The following UGGT2 variants were observed in gnomAD, a reference collection of about 807,000 sequenced individuals.
UGGT2 encodes the protein UDP-glucose glycoprotein glucosyltransferase 2.
Under a neutral mutation model 192.1 loss-of-function variants are expected in UGGT2, and 180 were observed. The observed-to-expected ratio is 0.94, with a 90% CI of 0.83 to 1.06. The LOEUF (loss-of-function observed/expected upper bound fraction) is 1.06. Among genes scored for constraint, UGGT2 ranks in the 50% least tolerant of loss-of-function variants. The probability of loss-of-function intolerance (pLI) is 0.00; values close to 1 mark genes in which losing one functional copy is unlikely to be tolerated. For synonymous variants in UGGT2, 580 were observed against 591.0 expected, an observed-to-expected ratio of 0.98 and a Z score of 0.27; for missense variants, 1,849 against 1,795.7, an observed-to-expected ratio of 1.03 and a Z score of -0.54.
intron 1 of UGGT2, among the ~76,000 whole-genome samples, chr13:96,041,678 G>C (rs1303284458): frequency 6.6e-6 from 1 of 152,184 alleles, no homozygotes; most frequent in Non-Finnish European, 1.5e-5. Context: ...AGTGCTGTTG[G>C]GTGGGGCACA....
At chr13:95,962,821 G>A (rs557456528) in intron 12 of UGGT2, among the ~76,000 whole-genome samples, 1 of 152,176 alleles carries the variant, frequency 6.6e-6, no homozygotes, top group Admixed American at 6.5e-5. Flanking sequence ...CCGAGACCGG[G>A]TAATTTAAAC....
chr13:95,949,535 T>G (rs1014249376), intron 12 of UGGT2, 81 bp from the exon 13 acceptor site: 2 of 1,256,498 alleles, frequency 1.6e-6, no homozygotes, highest in African/African-American at 3.1e-5. Context: ...TATATCGTGA[T>G]AAATAAAAAT....
chr13:95,905,894 C>T (rs953846541), intron 20 of UGGT2, among the ~76,000 whole-genome samples: 8 of 151,974 alleles, frequency 5.3e-5, no homozygotes, highest in East Asian at 1.9e-4. Flanking sequence ...TTGTGTATGA[C>T]GTGAAAAGGG....
chr13:96,045,496 CAAGAGA>C lies in UGGT2; in HGVS notation c.158+7653_158+7658del, dbSNP rs1358782844. On this transcript the variant is annotated intron_variant, in intron 1 of 38. Transcript: ENST00000376747. ...GGAAGTCCTAGTCAGAACAATCAGA[CAAGAGA>C]AAGAAATAAAGGGCATCCAAATCAG... Among the ~76,000 whole-genome samples the C allele has an allele frequency of 2.0e-5, 3 of 152,080 alleles. No individual in the cohort carries two copies. The East Asian group carries it at 5.8e-4, about 29-fold the overall frequency.
chr13:95,900,775 G>GAGAA, intron 22 of UGGT2, 32 bp downstream of exon 22: 1 of 1,591,908 alleles, frequency 6.3e-7, no homozygotes, highest in Non-Finnish European at 8.5e-7. Context: ...CAGTGTCACT[G>GAGAA]AGAAAAGAGA....
intron 31 of UGGT2, among the ~76,000 whole-genome samples, chr13:95,862,017 T>C (rs1399121087): frequency 6.6e-6 from 1 of 152,174 alleles, no homozygotes; most frequent in Non-Finnish European, 1.5e-5. Flanking sequence ...TTCTTATCTA[T>C]ACCTTCTAAC....
chr13:96,049,376 T>C (rs2053418219), intron 1 of UGGT2, among the ~76,000 whole-genome samples: 1 of 152,212 alleles, frequency 6.6e-6, no homozygotes, highest in African/African-American at 2.4e-5. Context: ...AATATCATAC[T>C]GAATGGGCAA....
intron 29 of UGGT2, among the ~76,000 whole-genome samples, chr13:95,868,105 T>A (rs997071242): frequency 6.6e-6 from 1 of 152,314 alleles, no homozygotes. Context: ...GGGGAAGCAA[T>A]CAGATGTCAA....
chr13:95,927,466 CTTTCTT>C (rs762680500), intron 17 of UGGT2, 130 bp from the exon 18 acceptor site: 37,316 of 583,532 alleles, frequency 0.064, 211 homozygotes, highest in Middle Eastern at 0.08. Flanking sequence ...AATACATTTT[CTTTCTT>C]TTTTTTTTTT....
rs182082259 is a variant in UGGT2 at position 95,894,733 on chromosome 13, G to A, written c.2760-76C>T. On this transcript the variant is annotated intron_variant, in intron 23 of 38. Transcript: ENST00000376747. ...TTTCATGTTACAATTAATGCTTCAA[G>A]AAAGGTTTTATATATCTGAACATGG... 16 of 1,256,206 alleles carry A rather than the reference G, an allele frequency of 1.3e-5. No individual in the cohort carries two copies. In the Admixed American group the frequency reaches 2.2e-4, roughly 17 times the overall value. 77.8% of individuals were successfully genotyped at this position (1,256,206 alleles called of 1,614,324 possible). A position where few individuals can be genotyped will look rare whatever the true frequency, so the allele number is the denominator to read the frequency against.
chr13:95,878,055 T>C (rs958988105), intron 27 of UGGT2, among the ~76,000 whole-genome samples, 199 bp from the exon 28 acceptor site: 2 of 152,150 alleles, frequency 1.3e-5, no homozygotes, highest in East Asian at 3.9e-4. Context: ...CTTTTTCTTT[T>C]TCATGACATC....
intron 20 of UGGT2, among the ~76,000 whole-genome samples, chr13:95,906,580 A>G (rs1244124001): frequency 2.0e-5 from 3 of 152,210 alleles, no homozygotes; most frequent in South Asian, 4.1e-4. Context: ...AAAATTCCCA[A>G]TTTTGATTAA....
chr13:95,940,922 T>C (rs1039839449), intron 15 of UGGT2, among the ~76,000 whole-genome samples: 1 of 152,158 alleles, frequency 6.6e-6, no homozygotes, highest in Non-Finnish European at 1.5e-5. Context: ...CTAAACTTTC[T>C]CTGCACCTCT....
Position 96,023,141 on chromosome 13 carries a change from A to C in UGGT2, c.384T>G (p.Asp128Glu). ...AIQMFQQIAA[D>E]EPPPDGCNAF... is the part of the protein sequence containing the mutation. ...CATTACAACCATCTGGTGGTGGCTC[A>C]TCAGCTGCAATCTAAGATTTCAAAG... The change falls in exon 4 of 39, where the codon GAT becomes GAG. Residue 128 changes from aspartate (D) to glutamate (E), a missense_variant. Asp to Glu is a conservative substitution (Grantham distance 45, BLOSUM62 2). Transcript: ENST00000376747. 1 of 1,576,524 alleles carries C rather than the reference A, an allele frequency of 6.3e-7. No homozygotes were observed. The highest frequency in any genetic ancestry group is 8.6e-7 in the Non-Finnish European group (1 of 1,160,176).
chr13:95,876,691 T>C (rs911129815), intron 29 of UGGT2, among the ~76,000 whole-genome samples: 2 of 152,172 alleles, frequency 1.3e-5, no homozygotes, highest in African/African-American at 4.8e-5. Context: ...CACTCTTCAA[T>C]GTGTCTTTCT....
In UGGT2 at chr13:95,890,867, A is replaced by G. The variant is rs2047780530; in HGVS notation, c.2953T>C (p.Leu985=). The G allele has an allele frequency of 6.2e-7, 1 of 1,609,978 alleles. No individual in the cohort carries two copies. The highest frequency in any genetic ancestry group is 8.5e-7 in the Non-Finnish European group (1 of 1,177,914). The stretch of plus-strand genomic sequence containing the variant: ...TCTAATTTATATTATCTTACAACCA[A>G]CAACTGTGCCATTTTCTGTGCTTCT... ...TREAQKMAQL[L]VVLGKIINMK... The change falls in exon 25 of 39, where the codon TTG becomes CTG. Residue 985 remains leucine (L), a synonymous_variant. Transcript: ENST00000376747.
At chr13:95,862,896 TCTGTCAC>T (rs1356658732) in intron 31 of UGGT2, among the ~76,000 whole-genome samples, 3 of 152,184 alleles carry the variant, frequency 2.0e-5, no homozygotes, top group Non-Finnish European at 2.9e-5. Flanking sequence ...AGGGTCTCAC[TCTGTCAC>T]CCAGGCTGGA....
intron 36 of UGGT2, among the ~76,000 whole-genome samples, chr13:95,842,857 T>G (rs1043859862): frequency 1.3e-5 from 2 of 152,208 alleles, no homozygotes; most frequent in African/African-American, 4.8e-5. Flanking sequence ...AGTCAAGTCT[T>G]TTGATTAGAC....
intron 38 of UGGT2, among the ~76,000 whole-genome samples, chr13:95,822,965 C>G (rs1885656794): frequency 1.3e-5 from 2 of 151,980 alleles, no homozygotes; most frequent in South Asian, 4.1e-4. Context: ...TGTTGTATTC[C>G]AGAGGTTTTG....
Sources: gnomAD v4.1 joint callset for allele counts (sites outside exome capture counted in the v4.1 genomes callset) on GRCh38, gnomAD v4.1.1 for gene constraint, MANE v1.5 for transcripts, NCBI Gene and HGNC (gene_info 2026-07-23, HGNC 2026-07-21) for gene names.